Variants in AK5 observed in about 807,000 individuals in gnomAD.
AK5 encodes adenylate kinase 5.
AK5 carries 27 observed loss-of-function variants against 69.5 expected under a neutral mutation model. The ratio of observed to expected loss-of-function variants is 0.39; its 90% confidence interval spans 0.29 to 0.54. The LOEUF is 0.54. AK5 is among the 20% of genes least tolerant of loss of function. The probability of loss-of-function intolerance (pLI) is 0.71; values close to 1 mark genes in which losing one functional copy is unlikely to be tolerated. For synonymous variants in AK5, 260 were observed against 244.4 expected, an observed-to-expected ratio of 1.06 and a Z score of -0.60; for missense variants, 531 against 700.4, an observed-to-expected ratio of 0.76 and a Z score of 2.73.
intron 6 of AK5, chr1:77,371,441 A>C (rs1450600584): frequency 2.0e-5 from 3 of 152,194 alleles, no homozygotes; most frequent in Non-Finnish European, 2.9e-5. Context: ...AGGGGGTTTC[A>C]ACCCAATGAC....
intron 8 of AK5, among the ~76,000 whole-genome samples, chr1:77,430,729 T>C (rs972736594): frequency 5.9e-5 from 9 of 152,216 alleles, no homozygotes; most frequent in Non-Finnish European, 1.3e-4. Flanking sequence ...ATCAGTAGAA[T>C]GTGGTGTTCC....
intron 5 of AK5, 100 bp from the exon 6 acceptor site, chr1:77,340,277 T>C: frequency 2.5e-6 from 3 of 1,209,224 alleles, no homozygotes; most frequent in South Asian, 1.5e-5. Context: ...GGGCCAAATA[T>C]ATGGCAGCCT....
intron 5 of AK5, among the ~76,000 whole-genome samples, chr1:77,334,743 A>C (rs1012703131): frequency 2.6e-5 from 4 of 152,178 alleles, no homozygotes; most frequent in Non-Finnish European, 5.9e-5. Context: ...TCCTAAATGA[A>C]ATTTAGTTAT....
chr1:77,298,416 C>T (rs1365147486), intron 5 of AK5, among the ~76,000 whole-genome samples: 2 of 151,742 alleles, frequency 1.3e-5, no homozygotes, highest in Non-Finnish European at 2.9e-5. Context: ...CTGCTCAACC[C>T]CCAATACATC....
chr1:77,548,829 C>T (rs963739179), intron 13 of AK5, among the ~76,000 whole-genome samples: 15 of 151,162 alleles, frequency 9.9e-5, no homozygotes, highest in African/African-American at 3.7e-4. Context: ...TCACTGACTG[C>T]TCTACTTTTC....
chr1:77,434,943 G>T (rs1651869436), intron 8 of AK5, among the ~76,000 whole-genome samples: 1 of 152,140 alleles, frequency 6.6e-6, no homozygotes, highest in African/African-American at 2.4e-5. Flanking sequence ...ACATGAAATT[G>T]CCTGGTTAGA....
chr1:77,487,308 G>C (rs1174901680), intron 10 of AK5, among the ~76,000 whole-genome samples: 1 of 152,156 alleles, frequency 6.6e-6, no homozygotes, highest in Non-Finnish European at 1.5e-5. Context: ...GCTAATGAGT[G>C]TGTGAGGGCC....
intron 6 of AK5, among the ~76,000 whole-genome samples, chr1:77,344,369 T>C (rs1415014993): frequency 1.3e-5 from 2 of 152,236 alleles, no homozygotes; most frequent in African/African-American, 2.4e-5. Context: ...GACATATTTA[T>C]ATGTTGTCTT....
At chr1:77,372,815 G>GCA (rs2100480440) in intron 6 of AK5, among the ~76,000 whole-genome samples, 1 of 151,948 alleles carries the variant, frequency 6.6e-6, no homozygotes, top group Admixed American at 6.6e-5. Context: ...AAAGCATCTT[G>GCA]TATATATGAG....
At chr1:77,420,916 G>T (rs2100589389) in intron 8 of AK5, among the ~76,000 whole-genome samples, 1 of 152,274 alleles carries the variant, frequency 6.6e-6, no homozygotes, top group South Asian at 2.1e-4. Context: ...CTCAAACTCT[G>T]CCATCATTGA....
chr1:77,388,546 C>A (rs1044980699), intron 6 of AK5, among the ~76,000 whole-genome samples: 2 of 144,662 alleles, frequency 1.4e-5, no homozygotes, highest in Non-Finnish European at 3.0e-5. Flanking sequence ...TGTAAAAGAA[C>A]CTGGTCGTTC....
chr1:77,315,166 C>A (rs544850434), intron 5 of AK5: 12 of 152,086 alleles, frequency 7.9e-5, no homozygotes, highest in Non-Finnish European at 1.6e-4. Flanking sequence ...TGGAAACTCT[C>A]TCTTATTCTT....
intron 5 of AK5, among the ~76,000 whole-genome samples, chr1:77,333,328 C>G (rs1661184393): frequency 6.6e-6 from 1 of 152,158 alleles, no homozygotes; most frequent in Non-Finnish European, 1.5e-5. Flanking sequence ...CTAAGACACT[C>G]TTATGAACAG....
At chr1:77,295,746 A>G (rs1658966714) in intron 3 of AK5, among the ~76,000 whole-genome samples, 1 of 152,210 alleles carries the variant, frequency 6.6e-6, no homozygotes, top group South Asian at 2.1e-4. Flanking sequence ...TGGAAGCTCG[A>G]TTGTTCATGA....
intron 8 of AK5, among the ~76,000 whole-genome samples, chr1:77,464,226 C>A (rs1654008935): frequency 6.6e-6 from 1 of 152,092 alleles, no homozygotes; most frequent in African/African-American, 2.4e-5. Flanking sequence ...TCTCTCAAGG[C>A]CAGAGTCCCC....
At chr1:77,358,018 T>TGTGTGTGTGTGAGAGAGAGAGAGA (rs762714026) in intron 6 of AK5, among the ~76,000 whole-genome samples, 1 of 128,272 alleles carries the variant, frequency 7.8e-6, no homozygotes, top group South Asian at 2.9e-4. Context: ...TGTGTGTGTG[T>TGTGTGTGTGTGAGAGAGAGAGAGA]GAGAGAGAGA....
intron 6 of AK5, among the ~76,000 whole-genome samples, chr1:77,357,925 G>A (rs1386318908): frequency 6.6e-6 from 1 of 151,472 alleles, no homozygotes; most frequent in Non-Finnish European, 1.5e-5. Flanking sequence ...GTTTACTTCT[G>A]TTTTTAGTTC....
At chr1:77,389,081 A>G (rs1199461076) in intron 6 of AK5, among the ~76,000 whole-genome samples, 1 of 152,170 alleles carries the variant, frequency 6.6e-6, no homozygotes, top group East Asian at 1.9e-4. Flanking sequence ...ATAGTAACTG[A>G]CTTCTTTGAC....
chr1:77,514,194 A>G (rs925471118), intron 10 of AK5, among the ~76,000 whole-genome samples: 3 of 152,196 alleles, frequency 2.0e-5, no homozygotes, highest in Non-Finnish European at 2.9e-5. Flanking sequence ...ATATTCCACA[A>G]TCTCTTTGTG....
Sources: gnomAD v4.1 joint callset for allele counts (sites outside exome capture counted in the v4.1 genomes callset) on GRCh38, gnomAD v4.1.1 for gene constraint, MANE v1.5 for transcripts, NCBI Gene and HGNC (gene_info 2026-07-23, HGNC 2026-07-21) for gene names.